The following GABRP variants were observed in gnomAD, a reference collection of about 807,000 sequenced individuals.
GABRP encodes gamma-aminobutyric acid receptor subunit pi.
GABRP carries 52 observed loss-of-function variants against 47.8 expected under a neutral mutation model. The observed-to-expected ratio is 1.09, with a 90% CI of 0.87 to 1.37. The LOEUF (loss-of-function observed/expected upper bound fraction) is 1.37, where lower values mean the gene tolerates loss of function less well. Ranked by LOEUF, GABRP falls within the 40% of genes most tolerant of loss-of-function variation. The probability of loss-of-function intolerance (pLI) is 0.00; values close to 1 mark genes in which losing one functional copy is unlikely to be tolerated. For missense variants in GABRP, 525 were observed against 542.8 expected, an observed-to-expected ratio of 0.97 and a Z score of 0.33; for synonymous variants, 221 against 205.8, an observed-to-expected ratio of 1.07 and a Z score of -0.63.
chr5:170,807,506 G>A (rs1212026772), intron 7 of GABRP, among the ~76,000 whole-genome samples: 1 of 152,086 alleles, frequency 6.6e-6, no homozygotes, highest in Admixed American at 6.6e-5. Flanking sequence ...TTGCTTGTTT[G>A]TTTTTAAAAC....
At chr5:170,796,485 G>A (rs1354840470) in intron 5 of GABRP, among the ~76,000 whole-genome samples, 1 of 152,158 alleles carries the variant, frequency 6.6e-6, no homozygotes, top group East Asian at 1.9e-4. Context: ...TGTTTTAATA[G>A]CCTGGCTCTA....
chr5:170,789,957 C>T (rs1765224461), intron 3 of GABRP, among the ~76,000 whole-genome samples: 1 of 152,146 alleles, frequency 6.6e-6, no homozygotes, highest in Non-Finnish European at 1.5e-5. Flanking sequence ...CCCCTGATTC[C>T]TCCAGGCCCC....
intron 3 of GABRP, among the ~76,000 whole-genome samples, chr5:170,793,463 A>T (rs1253205822): frequency 6.6e-6 from 1 of 152,184 alleles, no homozygotes; most frequent in Non-Finnish European, 1.5e-5. Flanking sequence ...CAGTCTGCAC[A>T]CTGGACCAAG....
chr5:170,797,526 A>T lies in GABRP; in HGVS notation c.519A>T (p.Thr173=), dbSNP rs975061. 8.4e-3 allele frequency: 13,472 copies of T among 1,611,428 alleles called. 946 individuals are homozygous for T. The African/African-American group carries it at 0.16, about 19-fold the overall frequency. The change falls in exon 6 of 10, where the codon ACA becomes ACT. Residue 173 remains threonine (T), a synonymous_variant. Coordinates refer to ENST00000265294, the MANE Select transcript of GABRP (RefSeq NM_014211.3). ...CTAAATACCCCATGGACACACAGACATGCAAGTTGCAGCTGGAAAGCTGTA... is the reference window on the plus strand; with the variant it reads ...CTAAATACCCCATGGACACACAGACTTGCAAGTTGCAGCTGGAAAGCTGTA... ...DLSKYPMDTQ[T]CKLQLESWGY...
intron 5 of GABRP, 94 bp downstream of exon 5, chr5:170,795,519 G>A: frequency 1.0e-6 from 1 of 958,374 alleles, no homozygotes; most frequent in Non-Finnish European, 1.7e-6. Context: ...AACTCAAATA[G>A]CCACTGTGAG....
Position 170,805,715 on chromosome 5 carries a change from G to A in GABRP, c.542-1G>A. ...GACCAGGGCTCCATTTTATTTGCCA[G>A]GGGGCTATGATGGAAATGATGTGGA... On this transcript the variant is annotated splice_acceptor_variant, in intron 6 of 9. Transcript: ENST00000265294. LOFTEE classifies it high-confidence loss of function. 2 of 1,614,050 alleles carry A rather than the reference G, an allele frequency of 1.2e-6. No individual in the cohort carries two copies. The highest frequency in any genetic ancestry group is 1.7e-6 in the Non-Finnish European group (2 of 1,179,966).
intron 1 of GABRP, among the ~76,000 whole-genome samples, chr5:170,784,892 C>T (rs1313994677): frequency 6.6e-6 from 1 of 152,180 alleles, no homozygotes; most frequent in Non-Finnish European, 1.5e-5. Context: ...GCTGCCCCTA[C>T]TCAGGAGCCT....
intron 1 of GABRP, 177 bp from the exon 2 acceptor site, chr5:170,788,397 A>G: frequency 2.3e-6 from 1 of 440,592 alleles, no homozygotes; most frequent in Non-Finnish European, 4.0e-6. Context: ...TCCAAAATGA[A>G]GTCATTCCTG....
At chr5:170,806,082 A>G (rs555225645) in intron 7 of GABRP, among the ~76,000 whole-genome samples, 11 of 152,262 alleles carry the variant, frequency 7.2e-5, no homozygotes, top group African/African-American at 2.6e-4. Flanking sequence ...GTACCTCCAG[A>G]TACTTGCTAA....
chr5:170,797,417 T>C (rs1765459207), intron 5 of GABRP, 49 bp from the exon 6 acceptor site: 3 of 1,196,590 alleles, frequency 2.5e-6, no homozygotes, highest in African/African-American at 1.5e-5. Context: ...ATGTGAACTT[T>C]CTATAACTTC....
At chr5:170,791,140 G>T (rs576598182) in intron 3 of GABRP, among the ~76,000 whole-genome samples, 2 of 152,318 alleles carry the variant, frequency 1.3e-5, no homozygotes, top group African/African-American at 4.8e-5. Context: ...CTACTCACTG[G>T]CCAACAAGGT....
chr5:170,812,006 C>T lies in GABRP; in HGVS notation c.1071C>T (p.Ser357=). 2 of 1,614,158 alleles carry T rather than the reference C, an allele frequency of 1.2e-6. No homozygotes were observed. Among genetic ancestry groups the T allele is most frequent in the Non-Finnish European group, 1.7e-6 (2 of 1,180,014 alleles). Residue 357 remains serine, a synonymous_variant, in exon 10 of 10, where the codon AGC becomes AGT. Transcript: ENST00000265294. ...EEVSITNIIN[S]SISSFKRKIS... Reference sequence around the variant, plus strand: ...TCAGTATTACTAATATCATCAACAGCTCCATCTCCAGCTTTAAACGGAAGA... The same window carrying T: ...TCAGTATTACTAATATCATCAACAGTTCCATCTCCAGCTTTAAACGGAAGA...
chr5:170,804,185 CATATATATATAT>C (rs70982304), intron 6 of GABRP, among the ~76,000 whole-genome samples: 27 of 148,980 alleles, frequency 1.8e-4, no homozygotes, highest in African/African-American at 6.4e-4. Context: ...TCTTTGTATG[CATATATATATAT>C]ATATATATAT....
chr5:170,784,584 G>A (rs1241098556), intron 1 of GABRP, among the ~76,000 whole-genome samples: 1 of 152,162 alleles, frequency 6.6e-6, no homozygotes, highest in African/African-American at 2.4e-5. Context: ...CTGAGGTGGT[G>A]CCAGTTAGCT....
chr5:170,810,211 T>C (rs2127267289), intron 9 of GABRP: 1 of 441,610 alleles, frequency 2.3e-6, no homozygotes, highest in Non-Finnish European at 4.0e-6. Flanking sequence ...GGTGAGCATA[T>C]TTTTCTGCTA....
intron 6 of GABRP, among the ~76,000 whole-genome samples, chr5:170,804,961 T>C (rs1385346903): frequency 7.4e-6 from 1 of 134,684 alleles, no homozygotes; most frequent in Non-Finnish European, 1.5e-5. Context: ...AAAATACATA[T>C]ATACGTTTAT....
intron 5 of GABRP, 112 bp from the exon 6 acceptor site, chr5:170,797,354 A>G (rs1186536985): frequency 8.4e-6 from 6 of 714,186 alleles, no homozygotes; most frequent in East Asian, 7.9e-5. Context: ...TCCAAGCTAC[A>G]TGTTCATTTA....
chr5:170,787,425 C>G (rs113606075), intron 1 of GABRP, among the ~76,000 whole-genome samples: 5 of 152,210 alleles, frequency 3.3e-5, no homozygotes, highest in South Asian at 2.1e-4. Flanking sequence ...CTCAGAGGGA[C>G]GCCTGACAGC....
rs555226193 is a variant in GABRP at position 170,794,214 on chromosome 5, G to GT, written c.173-8dup. The GT allele has an allele frequency of 1.0e-3, 1,525 of 1,499,388 alleles. No individual in the cohort carries two copies. Among genetic ancestry groups the GT allele is most frequent in the South Asian group, 1.8e-3 (146 of 82,604 alleles). The allele number at this position is 1,499,388 out of a possible 1,614,324, so 92.9% of individuals were successfully genotyped here. A position where few individuals can be genotyped will look rare whatever the true frequency, so the allele number is the denominator to read the frequency against. On this transcript the variant is annotated splice_polypyrimidine_tract_variant and intron_variant, in intron 3 of 9. Transcript: ENST00000265294. ...CATGGTTGTGTTTCCATTCTTTCTT[G>GT]TTTTTTTTTATCTTAGGAGAACCCG...
Sources: allele counts gnomAD v4.1 joint callset (sites outside exome capture counted in the v4.1 genomes callset), GRCh38; gene constraint gnomAD v4.1.1; transcripts MANE v1.5; gene names NCBI Gene and HGNC (gene_info 2026-07-23, HGNC 2026-07-21).